Variants in CNTNAP2 observed in about 807,000 individuals in gnomAD.
The protein encoded by CNTNAP2 is contactin associated protein 2.
In CNTNAP2, 98 loss-of-function variants were observed where a neutral mutation model predicts 155.2. The ratio of observed to expected loss-of-function variants is 0.63; its 90% CI spans 0.54 to 0.75. The LOEUF is 0.75. CNTNAP2 is among the 30% of genes least tolerant of loss of function. The pLI, the probability that CNTNAP2 is intolerant of heterozygous loss-of-function variation, is 0.00. For synonymous variants in CNTNAP2, 651 were observed against 631.2 expected (o/e 1.03, Z -0.47); for missense variants, 1,727 against 1,688.1 (o/e 1.02, Z -0.40).
At chr7:147,891,033 T>A (rs1323717284) in intron 13 of CNTNAP2, among the ~76,000 whole-genome samples, 1 of 152,226 alleles carries the variant, frequency 6.6e-6, no homozygotes, top group African/African-American at 2.4e-5. Flanking sequence ...TCATGTTGTA[T>A]GTGTTAAATG....
intron 21 of CNTNAP2, among the ~76,000 whole-genome samples, chr7:148,383,207 T>TTTAAAG (rs1554427395): frequency 4.7e-5 from 7 of 148,196 alleles, no homozygotes; most frequent in African/African-American, 1.8e-4. Flanking sequence ...TTTTTTTTTT[T>TTTAAAG]AAAGAATTCT....
intron 8 of CNTNAP2, among the ~76,000 whole-genome samples, chr7:147,146,959 A>G (rs903049357): frequency 2.0e-5 from 3 of 152,206 alleles, no homozygotes; most frequent in African/African-American, 4.8e-5. Context: ...TTTTCCCACA[A>G]TTGATGATTG....
At chr7:148,022,120 T>C (rs1802289121) in intron 15 of CNTNAP2, among the ~76,000 whole-genome samples, 1 of 152,002 alleles carries the variant, frequency 6.6e-6, no homozygotes, top group African/African-American at 2.4e-5. Context: ...CTGATCCAAG[T>C]ATTATATGTA....
At chr7:146,149,158 T>C (rs541060433) in intron 1 of CNTNAP2, among the ~76,000 whole-genome samples, 2 of 152,144 alleles carry the variant, frequency 1.3e-5, no homozygotes, top group South Asian at 4.1e-4. Context: ...TGTGCACATG[T>C]ACCCTAGATC....
At chr7:147,838,390 A>G (rs924354754) in intron 13 of CNTNAP2, among the ~76,000 whole-genome samples, 1 of 151,588 alleles carries the variant, frequency 6.6e-6, no homozygotes, top group Admixed American at 6.7e-5. Flanking sequence ...ATATCTCCTC[A>G]GAAAATAGGA....
chr7:146,463,867 A>C (rs2129125331), intron 1 of CNTNAP2, among the ~76,000 whole-genome samples: 1 of 152,220 alleles, frequency 6.6e-6, no homozygotes, highest in African/African-American at 2.4e-5. Flanking sequence ...CTATTCACTT[A>C]TCTGTTTCCC....
chr7:146,207,364 T>C (rs1444264125), intron 1 of CNTNAP2, among the ~76,000 whole-genome samples: 1 of 152,026 alleles, frequency 6.6e-6, no homozygotes, highest in African/African-American at 2.4e-5. Flanking sequence ...TTTTCTTTAA[T>C]GGGGATTAAA....
At chr7:148,206,580 C>CA (rs1795453525) in intron 18 of CNTNAP2, among the ~76,000 whole-genome samples, 1 of 152,160 alleles carries the variant, frequency 6.6e-6, no homozygotes, top group African/African-American at 2.4e-5. Context: ...CATTTAATAC[C>CA]AAGTTATGTC....
At chr7:147,177,038 A>T in intron 8 of CNTNAP2, among the ~76,000 whole-genome samples, 1 of 143,338 alleles carries the variant, frequency 7.0e-6, no homozygotes, top group African/African-American at 2.6e-5. Flanking sequence ...TATATAATAT[A>T]TAATAGAATT....
chr7:147,701,960 A>C (rs1796241074), intron 13 of CNTNAP2, among the ~76,000 whole-genome samples: 1 of 152,100 alleles, frequency 6.6e-6, no homozygotes, highest in Non-Finnish European at 1.5e-5. Context: ...CATGAATATA[A>C]GCTTGTTATT....
intron 3 of CNTNAP2, among the ~76,000 whole-genome samples, chr7:146,883,987 A>G (rs1795605094): frequency 6.6e-6 from 1 of 152,108 alleles, no homozygotes; most frequent in African/African-American, 2.4e-5. Flanking sequence ...ATTGATGTTC[A>G]ATGAATTTTA....
chr7:146,378,965 A>G (rs1795343241), intron 1 of CNTNAP2, among the ~76,000 whole-genome samples: 1 of 152,252 alleles, frequency 6.6e-6, no homozygotes, highest in South Asian at 2.1e-4. Context: ...CTCAAGAATT[A>G]CTGTGCTTGG....
rs1563010440 is a variant in CNTNAP2 at position 148,247,616 on chromosome 7, TC to T, written c.3381+17838del. On this transcript the variant is annotated intron_variant, in intron 20 of 23. Transcript: ENST00000361727. ...CCCATTCTCTCTCTCTCTCTCTCTC[TC>T]TCTCTCTCTATTTATTTATTTATTT... 6.1e-5 allele frequency among the ~76,000 whole-genome samples: 9 copies of T among 147,252 alleles called. No individual in the cohort carries two copies. In the East Asian group the frequency reaches 1.4e-3, roughly 22 times the overall value.
intron 9 of CNTNAP2, among the ~76,000 whole-genome samples, chr7:147,373,544 T>C (rs1047714553): frequency 6.6e-6 from 1 of 152,120 alleles, no homozygotes; most frequent in Non-Finnish European, 1.5e-5. Flanking sequence ...AGTATATGTG[T>C]ATATATTTAT....
At chr7:147,441,813 T>TTCTC (rs568227936) in intron 10 of CNTNAP2, among the ~76,000 whole-genome samples, 8,388 of 102,020 alleles carry the variant, frequency 0.082, 540 homozygotes, top group East Asian at 0.14. Flanking sequence ...TGTAGTCTCT[T>TTCTC]TCTCTCTCTC....
chr7:147,761,832 G>C (rs1393902377), intron 13 of CNTNAP2, among the ~76,000 whole-genome samples: 2 of 152,062 alleles, frequency 1.3e-5, no homozygotes, highest in Non-Finnish European at 2.9e-5. Flanking sequence ...ATCCATTAAG[G>C]CTAGATTTTC....
intron 2 of CNTNAP2, among the ~76,000 whole-genome samples, chr7:146,776,374 T>A (rs545219207): frequency 6.6e-6 from 1 of 152,288 alleles, no homozygotes; most frequent in Non-Finnish European, 1.5e-5. Flanking sequence ...TCAGGTTCTG[T>A]CATGCAAACA....
intron 1 of CNTNAP2, among the ~76,000 whole-genome samples, chr7:146,411,846 A>T (rs59970678): frequency 0.1 from 8,482 of 85,108 alleles, 737 homozygotes; most frequent in African/African-American, 0.25. Context: ...TTATTTATTT[A>T]TTTTATTTGA....
intron 9 of CNTNAP2, among the ~76,000 whole-genome samples, chr7:147,385,969 G>A (rs184244276): frequency 2.6e-5 from 4 of 152,320 alleles, no homozygotes; most frequent in Non-Finnish European, 4.4e-5. Context: ...TCCAGGTGGA[G>A]GTTCCCAAAC....
Sources: gnomAD v4.1 joint callset for allele counts (sites outside exome capture counted in the v4.1 genomes callset) on GRCh38, gnomAD v4.1.1 for gene constraint, MANE v1.5 for transcripts, NCBI Gene and HGNC (gene_info 2026-07-23, HGNC 2026-07-21) for gene names.